GULP1: variants seen among roughly 807,000 people sequenced by gnomAD.
The protein encoded by GULP1 is PTB domain-containing engulfment adapter protein 1.
GULP1 carries 19 observed loss-of-function variants against 40.9 expected under a neutral mutation model. That is an observed-to-expected ratio of 0.46 (90% CI 0.32 to 0.68). The LOEUF (loss-of-function observed/expected upper bound fraction) is 0.68. Ranked by LOEUF, GULP1 falls within the 30% of genes least tolerant of loss-of-function variation. The pLI is 0.03. For synonymous variants in GULP1, 119 were observed against 117.6 expected, an observed-to-expected ratio of 1.01 and a Z score of -0.08; for missense variants, 312 against 362.2, an observed-to-expected ratio of 0.86 and a Z score of 1.12.
At chr2:188,303,179 G>A (rs2036448788) in intron 1 of GULP1, among the ~76,000 whole-genome samples, 1 of 152,158 alleles carries the variant, frequency 6.6e-6, no homozygotes, top group Non-Finnish European at 1.5e-5. Flanking sequence ...TGACTTAGCA[G>A]TATGCATATT....
At chr2:188,544,285 A>G (rs1691315132) in intron 7 of GULP1, among the ~76,000 whole-genome samples, 1 of 152,170 alleles carries the variant, frequency 6.6e-6, no homozygotes, top group Non-Finnish European at 1.5e-5. Context: ...TTATAATTAT[A>G]GGACAAAGGT....
At chr2:188,461,212 G>A (rs745641268) in intron 2 of GULP1, among the ~76,000 whole-genome samples, 1 of 151,674 alleles carries the variant, frequency 6.6e-6, no homozygotes, top group East Asian at 1.9e-4. Flanking sequence ...TCTGTTTTTC[G>A]AATAGTTTAA....
chr2:188,458,625 A>G (rs567427988), intron 2 of GULP1, among the ~76,000 whole-genome samples: 1 of 152,336 alleles, frequency 6.6e-6, no homozygotes, highest in African/African-American at 2.4e-5. Context: ...TAATAATTAC[A>G]TTATGGAAAA....
chr2:188,432,379 A>T (rs1338786669), intron 2 of GULP1, among the ~76,000 whole-genome samples: 1 of 151,828 alleles, frequency 6.6e-6, no homozygotes, highest in Non-Finnish European at 1.5e-5. Context: ...AATTATTTAA[A>T]GTTATTTTTC....
intron 1 of GULP1, among the ~76,000 whole-genome samples, chr2:188,303,908 C>T (rs2036582904): frequency 6.6e-6 from 1 of 152,108 alleles, no homozygotes; most frequent in Non-Finnish European, 1.5e-5. Context: ...ATACAAAGTG[C>T]TGCAATTCTC....
chr2:188,415,853 G>A (rs183536501), intron 2 of GULP1, among the ~76,000 whole-genome samples: 27 of 152,216 alleles, frequency 1.8e-4, no homozygotes, highest in Admixed American at 1.0e-3. Context: ...GATTGAGTCC[G>A]ATCATTCCCA....
At chr2:188,368,852 G>A (rs1404929268) in intron 1 of GULP1, among the ~76,000 whole-genome samples, 2 of 143,426 alleles carry the variant, frequency 1.4e-5, no homozygotes, top group East Asian at 4.1e-4. Context: ...AATTTATGTG[G>A]CCTTTTTTTT....
chr2:188,483,747 A>T (rs1187372343), intron 4 of GULP1, among the ~76,000 whole-genome samples: 1 of 152,110 alleles, frequency 6.6e-6, no homozygotes, highest in Non-Finnish European at 1.5e-5. Context: ...ATTGTTAAAA[A>T]CATTTGCAAT....
chr2:188,394,888 ACT>A (rs1458210513), intron 2 of GULP1, among the ~76,000 whole-genome samples: 20 of 150,510 alleles, frequency 1.3e-4, no homozygotes, highest in African/African-American at 4.9e-4. Flanking sequence ...GAAGAAGTTC[ACT>A]CTCTCCTCTG....
intron 2 of GULP1, among the ~76,000 whole-genome samples, chr2:188,399,893 A>G (rs557681696): frequency 6.6e-6 from 1 of 152,226 alleles, no homozygotes; most frequent in African/African-American, 2.4e-5. Flanking sequence ...GTCAATTGCT[A>G]TCCTTGACAA....
intron 2 of GULP1, among the ~76,000 whole-genome samples, chr2:188,394,084 G>T (rs1274016057): frequency 1.3e-5 from 2 of 152,120 alleles, no homozygotes; most frequent in Non-Finnish European, 2.9e-5. Flanking sequence ...GCAAGGCCAG[G>T]AAAGTTTTTT....
intron 2 of GULP1, among the ~76,000 whole-genome samples, chr2:188,416,478 G>A (rs1324638226): frequency 1.3e-5 from 2 of 152,124 alleles, no homozygotes; most frequent in Non-Finnish European, 2.9e-5. Context: ...ACAGCCAGCA[G>A]CCTATTCTCA....
chr2:188,378,047 A>G (rs940428191), intron 1 of GULP1, among the ~76,000 whole-genome samples: 3 of 152,196 alleles, frequency 2.0e-5, no homozygotes, highest in Admixed American at 2.0e-4. Context: ...AACAGATAAA[A>G]TATATACATA....
chr2:188,518,246 A>G (rs1297422558), intron 4 of GULP1, among the ~76,000 whole-genome samples: 2 of 152,168 alleles, frequency 1.3e-5, no homozygotes, highest in East Asian at 3.9e-4. Context: ...CCCAGAAGAA[A>G]TCAGTAAATG....
At chr2:188,579,067 T>C (rs1226341676) in intron 9 of GULP1, among the ~76,000 whole-genome samples, 2 of 152,156 alleles carry the variant, frequency 1.3e-5, no homozygotes, top group Non-Finnish European at 2.9e-5. Context: ...TTTATCCATA[T>C]ATTTAAATGT....
chr2:188,342,389 A>C (rs1057065109), intron 1 of GULP1, among the ~76,000 whole-genome samples: 3 of 152,102 alleles, frequency 2.0e-5, no homozygotes, highest in African/African-American at 4.8e-5. Flanking sequence ...TTTGTGTCTC[A>C]GATCTCTCCT....
intron 2 of GULP1, among the ~76,000 whole-genome samples, chr2:188,413,922 T>G (rs1211379037): frequency 6.6e-6 from 1 of 152,144 alleles, no homozygotes; most frequent in African/African-American, 2.4e-5. Context: ...TAGTGTTGCC[T>G]TGTAAAAATG....
At chr2:188,332,410 G>A (rs2041727694) in intron 1 of GULP1, among the ~76,000 whole-genome samples, 1 of 152,042 alleles carries the variant, frequency 6.6e-6, no homozygotes, top group Admixed American at 6.5e-5. Flanking sequence ...GGCTGGTCTT[G>A]AACTCCTGAC....
At chr2:188,554,068 T>C (rs1454909923) in intron 7 of GULP1, among the ~76,000 whole-genome samples, 1 of 152,030 alleles carries the variant, frequency 6.6e-6, no homozygotes, top group Non-Finnish European at 1.5e-5. Flanking sequence ...CTTAATGATT[T>C]CTCAATTTTA....
Sources: gnomAD v4.1 joint callset for allele counts (sites outside exome capture counted in the v4.1 genomes callset) on GRCh38, gnomAD v4.1.1 for gene constraint, MANE v1.5 for transcripts, NCBI Gene and HGNC (gene_info 2026-07-23, HGNC 2026-07-21) for gene names.